ADGRB3: variants seen among roughly 807,000 people sequenced by gnomAD.
The protein encoded by ADGRB3 is adhesion G protein-coupled receptor B3.
ADGRB3 carries 37 observed loss-of-function variants against 193.4 expected under a neutral mutation model. The ratio of observed to expected loss-of-function variants is 0.19; its 90% CI spans 0.15 to 0.25. ADGRB3 has a LOEUF of 0.25. Ranked by LOEUF, ADGRB3 falls within the 10% of genes least tolerant of loss-of-function variation. The pLI is 1.00. For synonymous variants in ADGRB3, 690 were observed against 644.2 expected (o/e 1.07, Z -1.08); for missense variants, 1,637 against 1,852.9 (o/e 0.88, Z 2.14).
At chr6:68,933,137 A>C (rs1767389152) in intron 4 of ADGRB3, among the ~76,000 whole-genome samples, 1 of 151,550 alleles carries the variant, frequency 6.6e-6, no homozygotes, top group South Asian at 2.1e-4. Context: ...ATCTAAATTA[A>C]ATGCCAATAA....
chr6:68,840,433 T>C lies in ADGRB3; in HGVS notation c.758-90126T>C, dbSNP rs1768133655. 2.4e-5 allele frequency among the ~76,000 whole-genome samples: 3 copies of C among 124,848 alleles called. No individual in the cohort carries two copies. In the South Asian group the frequency reaches 8.6e-4, roughly 36 times the overall value. The allele number at this position is 124,848 out of a possible 152,430, so 81.9% of individuals were successfully genotyped here. On this transcript the variant is annotated intron_variant, in intron 3 of 31. Transcript: ENST00000370598. ...TGAGACAAGGTCTTTCTCTGTCACCTAGGCTGGAGTGCAGTGGCACAATCA... is the reference window on the plus strand; with the variant it reads ...TGAGACAAGGTCTTTCTCTGTCACCCAGGCTGGAGTGCAGTGGCACAATCA...
intron 13 of ADGRB3, among the ~76,000 whole-genome samples, chr6:69,039,351 A>G (rs1770963607): frequency 6.6e-6 from 1 of 152,110 alleles, no homozygotes; most frequent in South Asian, 2.1e-4. Flanking sequence ...TTTTATATAT[A>G]TAGTTTGGTA....
rs750054736 is a variant in ADGRB3 at position 69,036,674 on chromosome 6, C to T, written c.2108-11511C>T. Among the ~76,000 whole-genome samples the T allele has an allele frequency of 1.6e-4, 25 of 151,864 alleles. 1 individual carries two copies. Among genetic ancestry groups the T allele is most frequent in the African/African-American group, 4.6e-4 (19 of 41,338 alleles). On this transcript the variant is annotated intron_variant, in intron 13 of 31. Coordinates refer to ENST00000370598, the MANE Select transcript of ADGRB3 (RefSeq NM_001704.3). ...CCAAGCTAAGGAAAAAATAATTTAG[C>T]GGAGACCCATGGATAAGTACAAGGA...
chr6:68,972,505 T>C (rs368442511), intron 8 of ADGRB3, among the ~76,000 whole-genome samples: 81 of 152,298 alleles, frequency 5.3e-4, no homozygotes, highest in Middle Eastern at 6.8e-3. Context: ...CTGGATTCAA[T>C]ATGTAATAAA....
At chr6:69,254,260 A>G (rs938628396) in intron 20 of ADGRB3, among the ~76,000 whole-genome samples, 2 of 152,198 alleles carry the variant, frequency 1.3e-5, no homozygotes, top group African/African-American at 2.4e-5. Flanking sequence ...CAGCATCAAA[A>G]TATCTGAAAA....
At chr6:68,925,214 A>G (rs910841813) in intron 3 of ADGRB3, among the ~76,000 whole-genome samples, 3 of 151,990 alleles carry the variant, frequency 2.0e-5, no homozygotes, top group African/African-American at 7.2e-5. Flanking sequence ...TTTAAACACT[A>G]TTAAAATCAA....
chr6:69,130,603 T>C (rs536037208), intron 17 of ADGRB3, among the ~76,000 whole-genome samples: 244 of 151,268 alleles, frequency 1.6e-3, no homozygotes, highest in Non-Finnish European at 1.7e-3. Context: ...TCCTTTTTTT[T>C]CCTCTGTTTC....
chr6:68,911,375 A>C (rs1236374366), intron 3 of ADGRB3, among the ~76,000 whole-genome samples: 1 of 152,200 alleles, frequency 6.6e-6, no homozygotes, highest in Non-Finnish European at 1.5e-5. Context: ...TATGTAACAA[A>C]CCTGCACGTT....
rs535886533 is a variant in ADGRB3 at position 69,307,071 on chromosome 6, C to CT, written c.2815-17791dup. Among the ~76,000 whole-genome samples the CT allele has an allele frequency of 6.3e-4, 92 of 147,156 alleles. 1 individual carries two copies. Among genetic ancestry groups the CT allele is most frequent in the East Asian group, 3.4e-3 (17 of 5,042 alleles). ...ATAGTAGCTTCATTTATAAAAATAG[C>CT]TTTTTTTTTTGCTTCCAACAACTTT... is the stretch of plus-strand genomic sequence containing the variant. On this transcript the variant is annotated intron_variant, in intron 20 of 31. Transcript: ENST00000370598.
At chr6:69,303,321 T>A (rs894817047) in intron 20 of ADGRB3, among the ~76,000 whole-genome samples, 1 of 151,872 alleles carries the variant, frequency 6.6e-6, no homozygotes, top group Non-Finnish European at 1.5e-5. Context: ...TTATGATGCA[T>A]GTCCCTAAAG....
intron 3 of ADGRB3, among the ~76,000 whole-genome samples, chr6:68,705,960 A>T (rs1001411010): frequency 6.6e-6 from 1 of 152,196 alleles, no homozygotes; most frequent in African/African-American, 2.4e-5. Flanking sequence ...CGGTGATCAG[A>T]TATCATCTAA....
At chr6:69,156,904 C>G (rs1242142180) in intron 17 of ADGRB3, among the ~76,000 whole-genome samples, 2 of 152,186 alleles carry the variant, frequency 1.3e-5, no homozygotes, top group Non-Finnish European at 2.9e-5. Context: ...ACAACTTGAT[C>G]AAGCTGATTC....
At chr6:68,792,996 C>T (rs1004367341) in intron 3 of ADGRB3, among the ~76,000 whole-genome samples, 14 of 152,128 alleles carry the variant, frequency 9.2e-5, no homozygotes, top group East Asian at 1.9e-4. Flanking sequence ...TCTGTTTTTT[C>T]GGCACTTCCT....
chr6:69,096,211 A>C (rs949259379), intron 17 of ADGRB3, among the ~76,000 whole-genome samples: 1 of 152,164 alleles, frequency 6.6e-6, no homozygotes, highest in African/African-American at 2.4e-5. Flanking sequence ...ACTAACTGTT[A>C]TATTCAAAGG....
At chr6:68,996,775 G>A (rs561429442) in intron 11 of ADGRB3, among the ~76,000 whole-genome samples, 19 of 151,940 alleles carry the variant, frequency 1.3e-4, no homozygotes, top group South Asian at 6.2e-4. Flanking sequence ...GCAAATCTTC[G>A]GAAAAAAAGA....
intron 17 of ADGRB3, among the ~76,000 whole-genome samples, chr6:69,225,391 TTTC>T (rs1388362107): frequency 2.6e-5 from 4 of 152,182 alleles, no homozygotes; most frequent in Non-Finnish European, 5.9e-5. Context: ...AATTACTAGT[TTTC>T]TTTCACCATT....
Position 69,239,167 on chromosome 6 carries a change from C to G in ADGRB3, c.2755C>G (p.Leu919Val). Reference protein sequence around the residue: ...ERSIILINFCLSIISSNILIL... With the variant: ...ERSIILINFCVSIISSNILIL... ...ATCCATAATACTAATTAACTTCTGC[C>G]TGTCTATCATCTCATCCAATATCCT... The change falls in exon 20 of 32, where the codon CTG (leucine) becomes GTG (valine). Residue 919 changes from leucine (L) to valine (V), a missense_variant. Transcript: ENST00000370598. 1 of 1,604,470 alleles carries G rather than the reference C, an allele frequency of 6.2e-7. No individual in the cohort carries two copies. The highest frequency in any genetic ancestry group is 8.5e-7 in the Non-Finnish European group (1 of 1,171,960).
At chr6:69,290,154 C>T (rs1208580435) in intron 20 of ADGRB3, among the ~76,000 whole-genome samples, 2 of 151,952 alleles carry the variant, frequency 1.3e-5, no homozygotes, top group Admixed American at 6.6e-5. Flanking sequence ...TTGAGTCATC[C>T]TCATCATTAA....
chr6:68,897,047 A>C (rs1490780362), intron 3 of ADGRB3, among the ~76,000 whole-genome samples: 3 of 152,136 alleles, frequency 2.0e-5, no homozygotes, highest in Non-Finnish European at 2.9e-5. Context: ...ATGCTAAGGC[A>C]CACTTAGGGA....
Sources: allele counts gnomAD v4.1 joint callset (sites outside exome capture counted in the v4.1 genomes callset), GRCh38; gene constraint gnomAD v4.1.1; transcripts MANE v1.5; gene names NCBI Gene and HGNC (gene_info 2026-07-23, HGNC 2026-07-21).